Variants in RIMBP2 observed in about 807,000 individuals in gnomAD.
RIMBP2 encodes the protein RIMS binding protein 2, also known as RIMS-binding protein 2.
In RIMBP2, 48 loss-of-function variants were observed where a neutral mutation model predicts 118.6. The ratio of observed to expected loss-of-function variants is 0.40; its 90% confidence interval spans 0.32 to 0.51. The LOEUF (loss-of-function observed/expected upper bound fraction) is 0.51. Ranked by LOEUF, RIMBP2 falls within the 20% of genes least tolerant of loss-of-function variation. The pLI, the probability that RIMBP2 is intolerant of heterozygous loss-of-function variation, is 0.41. For missense variants in RIMBP2, 1,551 were observed against 1,768.3 expected, an observed-to-expected ratio of 0.88 and a Z score of 2.20; for synonymous variants, 762 against 742.9, an observed-to-expected ratio of 1.03 and a Z score of -0.42.
intron 14 of RIMBP2, among the ~76,000 whole-genome samples, chr12:130,433,527 A>G (rs943237751): frequency 6.6e-6 from 1 of 152,186 alleles, no homozygotes; most frequent in African/African-American, 2.4e-5. Flanking sequence ...GATGTCACCA[A>G]TAAAGCTCTC....
chr12:130,427,867 G>A (rs2076896441), intron 15 of RIMBP2: 1 of 248,898 alleles, frequency 4.0e-6, no homozygotes, highest in East Asian at 8.2e-5. Flanking sequence ...GAGACTTAAG[G>A]CTGTGGAGGG....
chr12:130,441,757 G>A, intron 11 of RIMBP2, 91 bp downstream of exon 11: 1 of 1,153,618 alleles, frequency 8.7e-7, no homozygotes, highest in South Asian at 1.5e-5. Flanking sequence ...GGGGATTCCT[G>A]CTTCTGCCTG....
Position 130,424,852 on chromosome 12 carries a change from T to G in RIMBP2, c.2419A>C (p.Thr807Pro), listed in dbSNP as rs191647326. The change falls in exon 16 of 23, where the codon ACT (threonine) becomes CCT (proline). Residue 807 changes from threonine (T) to proline (P), a missense_variant. By Grantham distance (38) the Thr-to-Pro change is conservative. Around this residue, in one of 5 missense-constraint regions of RIMBP2, gnomAD observed 1,038 missense variants for 1,125.1 expected, o/e 0.92. Coordinates refer to ENST00000690449, the MANE Select transcript of RIMBP2 (RefSeq NM_001393629.1). The surrounding 1 kb of genome is among the most constrained non-coding windows in gnomAD (Gnocchi z 9.8). Reference sequence around the variant, plus strand: ...GTGCCTTCCGAGGTCCTATGGTCAGTGCAGTCCTTACGGGGTGGTGTGTCA... The same window carrying G: ...GTGCCTTCCGAGGTCCTATGGTCAGGGCAGTCCTTACGGGGTGGTGTGTCA... ...GTSHNALKDC[T>P]DHRTSEGTFW... 2 of 1,232,354 alleles carry G rather than the reference T, an allele frequency of 1.6e-6. No homozygotes were observed. The highest frequency in any genetic ancestry group is 3.1e-5 in the African/African-American group (2 of 64,516). The allele number at this position is 1,232,354 out of a possible 1,614,324, so 76.3% of individuals were successfully genotyped here.
intron 1 of RIMBP2, among the ~76,000 whole-genome samples, chr12:130,693,358 T>C (rs999043282): frequency 6.6e-6 from 1 of 152,196 alleles, no homozygotes; most frequent in African/African-American, 2.4e-5. Context: ...ATACACACAC[T>C]TGCAGACAAT....
chr12:130,645,052 G>A (rs996413519), intron 1 of RIMBP2, among the ~76,000 whole-genome samples: 1 of 152,034 alleles, frequency 6.6e-6, no homozygotes, highest in African/African-American at 2.4e-5. Flanking sequence ...TGTGGTTGGA[G>A]TGTTTACACC....
At chr12:130,698,181 T>G (rs2065665264) in intron 1 of RIMBP2, among the ~76,000 whole-genome samples, 1 of 152,030 alleles carries the variant, frequency 6.6e-6, no homozygotes, top group South Asian at 2.1e-4. Flanking sequence ...GATAAAGACT[T>G]TCAAGGGAGA....
chr12:130,553,314 A>G (rs958995446), intron 2 of RIMBP2, among the ~76,000 whole-genome samples: 1 of 152,104 alleles, frequency 6.6e-6, no homozygotes, highest in African/African-American at 2.4e-5. Context: ...CACCTATCAA[A>G]TGCCTCTTTC....
At chr12:130,684,063 C>A (rs904770654) in intron 1 of RIMBP2, among the ~76,000 whole-genome samples, 1 of 151,232 alleles carries the variant, frequency 6.6e-6, no homozygotes, top group South Asian at 2.1e-4. Context: ...TACATCTGTT[C>A]TCTCTGAAGC....
chr12:130,565,701 A>G (rs1389276347), intron 2 of RIMBP2, among the ~76,000 whole-genome samples: 2 of 152,172 alleles, frequency 1.3e-5, no homozygotes, highest in African/African-American at 2.4e-5. Context: ...GTAGCTCAGT[A>G]ACATGTTTGG....
Position 130,552,170 on chromosome 12 carries a change from C to T in RIMBP2, c.-216-34253G>A, listed in dbSNP as rs1229122797. Among the ~76,000 whole-genome samples, 3 of 152,216 alleles carry T rather than the reference C, an allele frequency of 2.0e-5. No individual in the cohort carries two copies. In the East Asian group the frequency reaches 5.8e-4, roughly 29 times the overall value. ...CTTCTAATAAATGAAAGAATATCAA[C>T]TGCTTCATGTGTTTTAGTGGAGAAA... On this transcript the variant is annotated intron_variant, in intron 2 of 22. Transcript: ENST00000690449.
chr12:130,708,090 C>G (rs565867590), intron 1 of RIMBP2, among the ~76,000 whole-genome samples: 1 of 152,154 alleles, frequency 6.6e-6, no homozygotes, highest in Non-Finnish European at 1.5e-5. Flanking sequence ...CACCACAACA[C>G]GGGTGAACCT....
At chr12:130,470,936 A>G (rs979080190) in intron 5 of RIMBP2, among the ~76,000 whole-genome samples, 193 bp from the exon 6 acceptor site, 4 of 152,358 alleles carry the variant, frequency 2.6e-5, no homozygotes, top group Non-Finnish European at 2.9e-5. Context: ...TTTGCTGTAC[A>G]GATAAATTGC....
chr12:130,619,865 G>C (rs141706008), intron 2 of RIMBP2, among the ~76,000 whole-genome samples: 6 of 152,294 alleles, frequency 3.9e-5, no homozygotes, highest in Non-Finnish European at 8.8e-5. Context: ...GGGGTGGACA[G>C]CCGGTCAAAA....
intron 1 of RIMBP2, among the ~76,000 whole-genome samples, chr12:130,663,231 C>T (rs2063736130): frequency 6.6e-6 from 1 of 152,128 alleles, no homozygotes; most frequent in Admixed American, 6.5e-5. Context: ...CCCTCCTGCT[C>T]CACCCCCTCA....
At chr12:130,481,934 G>GCCA (rs147481238) in intron 4 of RIMBP2, among the ~76,000 whole-genome samples, 3 of 145,980 alleles carry the variant, frequency 2.1e-5, no homozygotes, top group East Asian at 2.1e-4. Flanking sequence ...CCCCCAAGCC[G>GCCA]CCACCACCAC....
At position 130,571,416 on chromosome 12, in the gene RIMBP2, A is replaced by ACATTTTTTTTTTTTTT. The variant is rs386378267; in HGVS notation, c.-216-53500_-216-53499insAAAAAAAAAAAAAATG. Among the ~76,000 whole-genome samples the ACATTTTTTTTTTTTTT allele has an allele frequency of 1.9e-5, 2 of 104,298 alleles. 1 individual carries two copies. 68.4% of individuals were successfully genotyped at this position (104,298 alleles called of 152,430 possible). ...GTGTGCTACTGCTACCCATAGTAACATTTTTTTTTTTTTTTTTTTTGGAGA... is the reference window on the plus strand; with the variant it reads ...GTGTGCTACTGCTACCCATAGTAACACATTTTTTTTTTTTTTTTTTTTTTTTTTTTTTTTTTGGAGA... On this transcript the variant is annotated intron_variant, in intron 2 of 22. Coordinates refer to ENST00000690449, the MANE Select transcript of RIMBP2 (RefSeq NM_001393629.1).
At position 130,424,412 on chromosome 12, in the gene RIMBP2, G is replaced by T; in HGVS notation, c.2859C>A (p.Gly953=). The change falls in exon 16 of 23, where the codon GGC becomes GGA. Residue 953 remains glycine, a synonymous_variant. Transcript: ENST00000690449. The surrounding 1 kb of genome is among the most constrained non-coding windows in gnomAD (Gnocchi z 9.8). ...GCCGCCGGGCCAGCAGCGGCCTCGGGCCCCTCCTGCAGGGACAGTGACCAG... is the reference window on the plus strand; with the variant it reads ...GCCGCCGGGCCAGCAGCGGCCTCGGTCCCCTCCTGCAGGGACAGTGACCAG... ...PGPGHCPCRR[G]PRPLLARRRT... 6 of 1,232,752 alleles carry T rather than the reference G, an allele frequency of 4.9e-6. No individual in the cohort carries two copies. Among genetic ancestry groups the T allele is most frequent in the Non-Finnish European group, 6.1e-6 (6 of 988,220 alleles). 76.4% of individuals were successfully genotyped at this position (1,232,752 alleles called of 1,614,324 possible).
chr12:130,580,865 T>TG (rs2058427649), intron 2 of RIMBP2, among the ~76,000 whole-genome samples: 4 of 151,638 alleles, frequency 2.6e-5, no homozygotes, highest in Admixed American at 2.6e-4. Context: ...GCTTGAACCC[T>TG]GGGGGCGGAG....
intron 6 of RIMBP2, among the ~76,000 whole-genome samples, chr12:130,460,652 T>C (rs2079895291): frequency 6.6e-6 from 1 of 152,076 alleles, no homozygotes; most frequent in South Asian, 2.1e-4. Flanking sequence ...ACAGTCACAG[T>C]TTGGTGTTAG....
Sources: allele counts gnomAD v4.1 joint callset (sites outside exome capture counted in the v4.1 genomes callset), GRCh38; gene constraint gnomAD v4.1.1; regional missense constraint gnomAD v4.1.1; non-coding constraint Gnocchi (gnomAD v3.1); transcripts MANE v1.5; gene names NCBI Gene and HGNC (gene_info 2026-07-23, HGNC 2026-07-21).